The following MVB12B variants were observed in gnomAD, a reference collection of about 807,000 sequenced individuals.
MVB12B encodes multivesicular body subunit 12B.
MVB12B carries 16 observed loss-of-function variants against 41.6 expected under a neutral mutation model. The ratio of observed to expected loss-of-function variants is 0.38; its 90% confidence interval spans 0.26 to 0.58. The LOEUF is 0.58. MVB12B is among the 20% of genes least tolerant of loss of function. The pLI, the probability that MVB12B is intolerant of heterozygous loss-of-function variation, is 0.62. For synonymous variants in MVB12B, 133 were observed against 139.7 expected (o/e 0.95, Z 0.34); for missense variants, 274 against 380.2 (o/e 0.72, Z 2.32).
chr9:126,353,660 AC>A (rs1165686166), intron 2 of MVB12B, among the ~76,000 whole-genome samples: 3 of 152,108 alleles, frequency 2.0e-5, no homozygotes, highest in African/African-American at 7.2e-5. Flanking sequence ...GTGTGCCTTG[AC>A]TTTTCTTTTT....
chr9:126,503,227 C>G lies in MVB12B; in HGVS notation c.924C>G (p.Pro308=), dbSNP rs1033053186. The G allele has an allele frequency of 1.1e-5, 17 of 1,550,458 alleles. No individual in the cohort carries two copies. The highest frequency in any genetic ancestry group is 2.4e-5 in the South Asian group (2 of 84,088). The change falls in exon 10 of 10, where the codon CCC becomes CCG. Residue 308 remains proline, a synonymous_variant. Coordinates refer to ENST00000361171, the MANE Select transcript of MVB12B (RefSeq NM_033446.3). ...TEQSAAARLP[P]SPTRCQQIPQ... ...AGAGCGCAGCCGCCAGGCTCCCGCC[C>G]AGCCCCACCAGGTGTCAGCAGATCC...
intron 9 of MVB12B, among the ~76,000 whole-genome samples, chr9:126,500,976 A>G (rs1176342509): frequency 6.6e-6 from 1 of 152,172 alleles, no homozygotes; most frequent in African/African-American, 2.4e-5. Context: ...AGTCCCGCGC[A>G]GGGCGGATGT....
rs1480580579 is a variant in MVB12B at position 126,436,981 on chromosome 9, A to G, written c.757+15033A>G. Among the ~76,000 whole-genome samples the G allele has an allele frequency of 6.6e-6, 1 of 152,228 alleles. No individual in the cohort carries two copies. The highest frequency in any genetic ancestry group is 2.4e-5 in the African/African-American group (1 of 41,456). On this transcript the variant is annotated intron_variant, in intron 7 of 9. Coordinates refer to ENST00000361171, the MANE Select transcript of MVB12B (RefSeq NM_033446.3). This position sits in a 1 kb window ranked among gnomAD's most constrained non-coding sequence, Gnocchi z 4.1. ...GAGCAGACCTCTGAAAACACAATTT[A>G]TAACATGGCTTCTGCCCTTCCACAG...
intron 1 of MVB12B, among the ~76,000 whole-genome samples, chr9:126,335,054 G>T (rs529230365): frequency 9.6e-5 from 14 of 145,272 alleles, no homozygotes; most frequent in African/African-American, 2.0e-4. Context: ...TCTTCTGTTG[G>T]GGGGGAAAGG....
rs1017712032 is a variant in MVB12B, at chr9:126,421,913, A to G, written c.722A>G (p.Tyr241Cys). Residue 241 changes from tyrosine (Y) to cysteine (C), a missense_variant, in exon 7 of 10, where the codon TAC (tyrosine) becomes TGC (cysteine). Transcript: ENST00000361171. The stretch of plus-strand genomic sequence containing the variant: ...GGCAGGAACAGCACCCGGACGGACT[A>G]CGAGTACCAGCACTCCAATTTGTAT... Reference protein sequence around the residue: ...FRGRNSTRTDYEYQHSNLYAI... With the variant: ...FRGRNSTRTDCEYQHSNLYAI... 6.2e-7 allele frequency: 1 copy of G among 1,613,948 alleles called. No individual in the cohort carries two copies.
At chr9:126,416,090 G>A (rs946666516) in intron 6 of MVB12B, among the ~76,000 whole-genome samples, 30 of 152,230 alleles carry the variant, frequency 2.0e-4, no homozygotes, top group African/African-American at 6.3e-4. Flanking sequence ...CTTCTCAGCC[G>A]TGGGCGGGTT....
intron 2 of MVB12B, among the ~76,000 whole-genome samples, chr9:126,349,232 G>A (rs986916258): frequency 1.3e-5 from 2 of 152,126 alleles, no homozygotes; most frequent in South Asian, 2.1e-4. Context: ...CCTGGCCCTG[G>A]GGTGATTTAG....
At chr9:126,432,537 A>G (rs569066707) in intron 7 of MVB12B, among the ~76,000 whole-genome samples, 1 of 152,376 alleles carries the variant, frequency 6.6e-6, no homozygotes, top group South Asian at 2.1e-4. Context: ...AATTAATTAA[A>G]TGAATTTACT....
At chr9:126,487,305 C>T (rs1326172346) in intron 9 of MVB12B, among the ~76,000 whole-genome samples, 1 of 152,214 alleles carries the variant, frequency 6.6e-6, no homozygotes, top group Non-Finnish European at 1.5e-5. Context: ...ACAGCCACCA[C>T]CGTCACCATC....
At chr9:126,404,080 A>G (rs1189897258) in intron 6 of MVB12B, among the ~76,000 whole-genome samples, 2 of 150,546 alleles carry the variant, frequency 1.3e-5, no homozygotes, top group Non-Finnish European at 3.0e-5. Context: ...CAGCCTCCCA[A>G]GTAGCTGGGA....
At chr9:126,495,979 A>G (rs1833819467) in intron 9 of MVB12B, among the ~76,000 whole-genome samples, 1 of 151,860 alleles carries the variant, frequency 6.6e-6, no homozygotes, top group Non-Finnish European at 1.5e-5. Flanking sequence ...GACATGCATG[A>G]GTTACTGTAC....
At chr9:126,465,594 A>G (rs1218287041) in intron 7 of MVB12B, among the ~76,000 whole-genome samples, 1 of 145,454 alleles carries the variant, frequency 6.9e-6, no homozygotes, top group Non-Finnish European at 1.5e-5. Context: ...TATATGTTAG[A>G]TACTGTTCTA....
chr9:126,408,760 C>T (rs1053696897), intron 6 of MVB12B, among the ~76,000 whole-genome samples: 5 of 151,808 alleles, frequency 3.3e-5, no homozygotes, highest in Non-Finnish European at 5.9e-5. Context: ...TTTTTGGTCA[C>T]GTAGAATCAC....
In MVB12B at chr9:126,459,591, C is replaced by T. The variant is rs1026788891; in HGVS notation, c.758-21778C>T. Among the ~76,000 whole-genome samples, 2 of 152,188 alleles carry T rather than the reference C, an allele frequency of 1.3e-5. No individual in the cohort carries two copies. Among genetic ancestry groups the T allele is most frequent in the African/African-American group, 4.8e-5 (2 of 41,444 alleles). ...GTGTCTGAGGTCCCAGAGCCAAAGCCTCGGGAGGCTTGGGGCTAAGGATGT... is the reference window on the plus strand; with the variant it reads ...GTGTCTGAGGTCCCAGAGCCAAAGCTTCGGGAGGCTTGGGGCTAAGGATGT... On this transcript the variant is annotated intron_variant, in intron 7 of 9. Transcript: ENST00000361171. The surrounding 1 kb of genome is among the most constrained non-coding windows in gnomAD (Gnocchi z 4.3).
intron 2 of MVB12B, among the ~76,000 whole-genome samples, chr9:126,375,811 A>G (rs1276489375): frequency 1.3e-5 from 2 of 152,178 alleles, no homozygotes; most frequent in Admixed American, 6.5e-5. Flanking sequence ...AGACATTGTT[A>G]TCTTGTCTTT....
Position 126,391,610 on chromosome 9 carries a change from T to C in MVB12B, c.410-456T>C, listed in dbSNP as rs1390213726. 6.6e-6 allele frequency among the ~76,000 whole-genome samples: 1 copy of C among 152,202 alleles called. No individual in the cohort carries two copies. The highest frequency in any genetic ancestry group is 1.5e-5 in the Non-Finnish European group (1 of 68,022). On this transcript the variant is annotated intron_variant, in intron 4 of 9. Transcript: ENST00000361171. The surrounding 1 kb of genome is among the most constrained non-coding windows in gnomAD (Gnocchi z 4.4). ...GGGGTGGGAGGAGAGGAAACCAGCT[T>C]GTCCATTGTGCACAGCATTGACACT...
intron 6 of MVB12B, among the ~76,000 whole-genome samples, chr9:126,415,935 G>T (rs1831807245): frequency 6.6e-6 from 1 of 152,190 alleles, no homozygotes. Context: ...GAGATCTGGG[G>T]ACAGTGGCAA....
chr9:126,412,772 C>T (rs1340342807), intron 6 of MVB12B, among the ~76,000 whole-genome samples: 2 of 152,176 alleles, frequency 1.3e-5, no homozygotes, highest in African/African-American at 2.4e-5. Flanking sequence ...TGTAGCTTAG[C>T]CGTGTGTGCC....
At chr9:126,341,758 C>T (rs969449802) in intron 2 of MVB12B, among the ~76,000 whole-genome samples, 16 of 152,216 alleles carry the variant, frequency 1.1e-4, no homozygotes, top group Admixed American at 5.2e-4. Flanking sequence ...TGTCCCTCCT[C>T]CCCCAGTGGT....
Sources: gnomAD v4.1 joint callset for allele counts (sites outside exome capture counted in the v4.1 genomes callset) on GRCh38, gnomAD v4.1.1 for gene constraint, Gnocchi (gnomAD v3.1) non-coding constraint, MANE v1.5 for transcripts, NCBI Gene and HGNC (gene_info 2026-07-23, HGNC 2026-07-21) for gene names.